Variants in UNC79 observed in about 807,000 individuals in gnomAD.
The protein encoded by UNC79 is protein unc-79 homolog.
Under a neutral mutation model 283.1 loss-of-function variants are expected in UNC79, and 37 were observed. That is an observed-to-expected ratio of 0.13 (90% CI 0.10 to 0.17). The LOEUF (loss-of-function observed/expected upper bound fraction) is 0.17, where lower values mean the gene tolerates loss of function less well. Ranked by LOEUF, UNC79 falls within the 10% of genes least tolerant of loss-of-function variation. The pLI, the probability that UNC79 is intolerant of heterozygous loss-of-function variation, is 1.00. For synonymous variants in UNC79, 1,107 were observed against 1,200.2 expected, an observed-to-expected ratio of 0.92 and a Z score of 1.61; for missense variants, 2,272 against 3,211.1, an observed-to-expected ratio of 0.71 and a Z score of 7.07.
chr14:93,448,194 G>A (rs1032103774), intron 1 of UNC79, among the ~76,000 whole-genome samples: 2 of 130,206 alleles, frequency 1.5e-5, no homozygotes, highest in East Asian at 2.1e-4. Context: ...TTTTTAAATC[G>A]TTTCTCTCCT....
intron 1 of UNC79, among the ~76,000 whole-genome samples, chr14:93,437,978 ATTCAAACC>A (rs1443676350): frequency 6.6e-6 from 1 of 152,212 alleles, no homozygotes; most frequent in Non-Finnish European, 1.5e-5. Context: ...GGGGGATACA[ATTCAAACC>A]ACTACAAACC....
At chr14:93,645,539 G>A (rs1416168265) in intron 34 of UNC79, among the ~76,000 whole-genome samples, 1 of 152,144 alleles carries the variant, frequency 6.6e-6, no homozygotes, top group Non-Finnish European at 1.5e-5. Context: ...AGATCATGTG[G>A]TTTTACAAAC....
chr14:93,392,602 C>G (rs560073729), intron 1 of UNC79, among the ~76,000 whole-genome samples: 10 of 152,288 alleles, frequency 6.6e-5, no homozygotes, highest in African/African-American at 2.4e-4. Context: ...TTCAAACAAG[C>G]TAAAGAAGTG....
rs1173057671 is a variant in UNC79 at position 93,669,806 on chromosome 14, G to T, written c.6637-3545G>T. 6.6e-5 allele frequency among the ~76,000 whole-genome samples: 10 copies of T among 152,220 alleles called. No homozygotes were observed. The East Asian group carries it at 1.9e-3, about 29-fold the overall frequency. On this transcript the variant is annotated intron_variant, in intron 40 of 48. Coordinates refer to ENST00000555664, the Ensembl canonical transcript of UNC79. ...CAAGGCTGCAGTGAGCTGTGATTGT[G>T]CCCCCGACACTAAACAAACAGAAAG...
At chr14:93,492,685 G>T (rs890197079) in intron 5 of UNC79, among the ~76,000 whole-genome samples, 2 of 152,178 alleles carry the variant, frequency 1.3e-5, no homozygotes, top group Admixed American at 6.5e-5. Context: ...GGTAAATGGG[G>T]CATTCTGGGA....
chr14:93,644,126 C>T (rs1018459855), intron 34 of UNC79, among the ~76,000 whole-genome samples: 1 of 152,160 alleles, frequency 6.6e-6, no homozygotes, highest in Non-Finnish European at 1.5e-5. Context: ...AAACTTGGGG[C>T]ATTGTTGTGT....
chr14:93,347,541 G>A (rs1226616831), intron 1 of UNC79: 1 of 1,029,382 alleles, frequency 9.7e-7, no homozygotes, highest in Non-Finnish European at 1.3e-6. Flanking sequence ...AGGTTCCTGT[G>A]GCTTGGTCGC....
At chr14:93,652,640 C>T (rs79258573) in intron 35 of UNC79, among the ~76,000 whole-genome samples, 2,712 of 152,138 alleles carry the variant, frequency 0.018, 92 homozygotes, top group African/African-American at 0.056. Context: ...GCTTTTTGTC[C>T]GTTATTTCTT....
In UNC79 at chr14:93,594,401, C is replaced by T. The variant is rs116852181; in HGVS notation, c.3190+564C>T. ...TCTTGTGCCTCAGCCTCCCAAGTAGCTGGGGCTACAGGTGCATGCTACTAC... is the reference window on the plus strand; with the variant it reads ...TCTTGTGCCTCAGCCTCCCAAGTAGTTGGGGCTACAGGTGCATGCTACTAC... On this transcript the variant is annotated intron_variant, in intron 23 of 48. Coordinates refer to ENST00000555664, the Ensembl canonical transcript of UNC79. 3.6e-3 allele frequency among the ~76,000 whole-genome samples: 549 copies of T among 152,180 alleles called. 15 individuals are homozygous for T. The South Asian group carries it at 0.065, about 18-fold the overall frequency.
chr14:93,411,694 G>A (rs1344615776), intron 1 of UNC79, among the ~76,000 whole-genome samples: 1 of 152,000 alleles, frequency 6.6e-6, no homozygotes, highest in Non-Finnish European at 1.5e-5. Context: ...GACAATCAAG[G>A]TGGTACCTGT....
chr14:93,432,498 A>G (rs1309499161), intron 1 of UNC79, among the ~76,000 whole-genome samples: 1 of 152,234 alleles, frequency 6.6e-6, no homozygotes, highest in Non-Finnish European at 1.5e-5. Flanking sequence ...AGCCTAGCAC[A>G]TAGAATGTAC....
At chr14:93,411,565 T>A (rs2055336842) in intron 1 of UNC79, among the ~76,000 whole-genome samples, 1 of 152,200 alleles carries the variant, frequency 6.6e-6, no homozygotes, top group South Asian at 2.1e-4. Flanking sequence ...TCACTCCACC[T>A]CCAGCCCCAG....
At chr14:93,417,560 T>C (rs373685416) in intron 1 of UNC79, among the ~76,000 whole-genome samples, 3 of 152,208 alleles carry the variant, frequency 2.0e-5, no homozygotes, top group Non-Finnish European at 4.4e-5. Flanking sequence ...TGAATCTGAA[T>C]GTTGGCCTGC....
chr14:93,380,637 C>T (rs192192400), intron 1 of UNC79, among the ~76,000 whole-genome samples: 168 of 152,284 alleles, frequency 1.1e-3, no homozygotes, highest in Middle Eastern at 0.01. Context: ...CTATAAGCTC[C>T]ATGAAGGCCA....
intron 1 of UNC79, among the ~76,000 whole-genome samples, chr14:93,449,098 C>T (rs1275685999): frequency 1.3e-5 from 2 of 152,124 alleles, no homozygotes; most frequent in African/African-American, 4.8e-5. Flanking sequence ...CAGTCTGTCC[C>T]CATCCTTTCA....
At chr14:93,670,148 T>A (rs1306278841) in intron 40 of UNC79, among the ~76,000 whole-genome samples, 1 of 152,190 alleles carries the variant, frequency 6.6e-6, no homozygotes, top group Non-Finnish European at 1.5e-5. Context: ...TTTCCTCTGC[T>A]CTCACAGTTA....
chr14:93,480,306 T>A (rs907760751), intron 4 of UNC79, among the ~76,000 whole-genome samples: 2 of 151,984 alleles, frequency 1.3e-5, no homozygotes, highest in African/African-American at 4.8e-5. Context: ...CAAGGTCCCA[T>A]TTTTTTTAAC....
intron 14 of UNC79, among the ~76,000 whole-genome samples, chr14:93,555,436 C>T (rs552320321): frequency 3.7e-4 from 57 of 152,162 alleles, no homozygotes; most frequent in African/African-American, 1.1e-3. Context: ...TGGAGTCTCT[C>T]TCTGTCACCC....
At chr14:93,340,166 G>T (rs1347317774) in intron 1 of UNC79, among the ~76,000 whole-genome samples, 1 of 152,178 alleles carries the variant, frequency 6.6e-6, no homozygotes, top group Non-Finnish European at 1.5e-5. Context: ...ACCTATGCTG[G>T]GTGCGGTGGC....
Sources: gnomAD v4.1 joint callset for allele counts (sites outside exome capture counted in the v4.1 genomes callset) on GRCh38, gnomAD v4.1.1 for gene constraint, MANE v1.5 for transcripts, NCBI Gene and HGNC (gene_info 2026-07-23, HGNC 2026-07-21) for gene names.